The following ZNF469 variants were observed in gnomAD, a reference collection of about 807,000 sequenced individuals.
ZNF469 encodes the protein zinc finger protein 469.
Under a neutral mutation model 1.0 loss-of-function variants are expected in ZNF469, and 1 was observed. The observed-to-expected ratio is 1.00, with a 90% CI of 0.35 to 4.73. The LOEUF is 4.73. ZNF469 is among the 30% of genes most tolerant of loss of function. The pLI is 0.16. For synonymous variants in ZNF469, 2,703 were observed against 2,363.4 expected (o/e 1.14, Z -4.17); for missense variants, 6,100 against 5,356.3 (o/e 1.14, Z -4.33).
the ZNF469 span, among the ~76,000 whole-genome samples, chr16:88,116,532 A>G: frequency 5.9e-3 from 898 of 152,352 alleles, 6 homozygotes; most frequent in Non-Finnish European, 9.3e-3. Context: ...ATGAAGACGT[A>G]TCTTCATGCC....
the ZNF469 span, among the ~76,000 whole-genome samples, chr16:88,144,226 G>A: frequency 6.6e-6 from 1 of 152,214 alleles, no homozygotes; most frequent in Non-Finnish European, 1.5e-5. Context: ...AGGGCGGGGG[G>A]CGTCTCTCTG....
At chr16:88,359,903 AT>A in the ZNF469 span, among the ~76,000 whole-genome samples, 6 of 152,336 alleles carry the variant, frequency 3.9e-5, no homozygotes, top group African/African-American at 9.6e-5. Context: ...AGTTCATCTT[AT>A]TTTTTGATGC....
At chr16:88,122,540 G>T in the ZNF469 span, among the ~76,000 whole-genome samples, 2 of 151,956 alleles carry the variant, frequency 1.3e-5, no homozygotes, top group African/African-American at 2.4e-5. Context: ...CTATGGCCAC[G>T]GCAGCCACTC....
In ZNF469 at chr16:88,433,847, G is replaced by A. The variant is rs748594806; in HGVS notation, c.6377G>A (p.Ser2126Asn). 75 of 1,549,584 alleles carry A rather than the reference G, an allele frequency of 4.8e-5. No homozygotes were observed. In the South Asian group the frequency reaches 8.1e-4, roughly 17 times the overall value. Residue 2126 changes from serine to asparagine, a missense_variant, in exon 3 of 3, where the codon AGC (serine) becomes AAC (asparagine). Ser to Asn is a conservative substitution (Grantham distance 46). Transcript: ENST00000565624. ...ACTTCAGCCGCCCACATGCCCTGCA[G>A]CCTTGGGCCCCTGCCCCGTGAAGAC... Reference protein sequence around the residue: ...SPTSAAHMPCSLGPLPREDPL... With the variant: ...SPTSAAHMPCNLGPLPREDPL...
the ZNF469 span, among the ~76,000 whole-genome samples, chr16:88,287,638 TA>T: frequency 2.0e-5 from 3 of 152,372 alleles, no homozygotes; most frequent in East Asian, 5.8e-4. Flanking sequence ...AACAGTTCTA[TA>T]AGGCTTGTTA....
the ZNF469 span, among the ~76,000 whole-genome samples, chr16:88,129,924 C>T: frequency 1.3e-5 from 2 of 152,366 alleles, no homozygotes; most frequent in South Asian, 4.2e-4. Context: ...CCGAGGGAAT[C>T]CTGGCATGCT....
the ZNF469 span, among the ~76,000 whole-genome samples, chr16:88,339,658 T>G: frequency 6.6e-4 from 7 of 10,566 alleles, no homozygotes; most frequent in Admixed American, 1.4e-3. Context: ...GGCAGGGGGA[T>G]GGGGGACATG....
the ZNF469 span, among the ~76,000 whole-genome samples, chr16:88,159,547 C>T: frequency 5.9e-5 from 9 of 152,124 alleles, no homozygotes; most frequent in East Asian, 5.8e-4. Flanking sequence ...GCGCAGCGTA[C>T]GGAGAGAGGG....
intron 1 of ZNF469, among the ~76,000 whole-genome samples, chr16:88,419,948 C>T (rs1277400577): frequency 6.6e-6 from 1 of 152,264 alleles, no homozygotes; most frequent in East Asian, 1.9e-4. Context: ...GGAGGCCGGC[C>T]TGAGGCCACA....
chr16:88,422,312 A>G (rs56104501), intron 1 of ZNF469, among the ~76,000 whole-genome samples: 20 of 17,446 alleles, frequency 1.1e-3, no homozygotes, highest in East Asian at 6.9e-3. Flanking sequence ...GTGGGTGGAT[A>G]GATGGGTGAG....
the ZNF469 span, among the ~76,000 whole-genome samples, chr16:88,140,119 A>T: frequency 5.3e-5 from 8 of 152,222 alleles, no homozygotes; most frequent in African/African-American, 1.9e-4. Flanking sequence ...TTTAATACAA[A>T]AGAGGGAGTC....
chr16:88,394,343 G>A (rs1375546112), intron 1 of ZNF469, among the ~76,000 whole-genome samples: 1 of 151,828 alleles, frequency 6.6e-6, no homozygotes, highest in Non-Finnish European at 1.5e-5. Context: ...CCACACTCAA[G>A]TTTCAGGTGC....
the ZNF469 span, among the ~76,000 whole-genome samples, chr16:88,360,803 C>T: frequency 7.8e-4 from 118 of 151,956 alleles, no homozygotes; most frequent in African/African-American, 2.5e-3. Flanking sequence ...AGACAGTGCC[C>T]GCGTGCTCTC....
chr16:88,392,077 GCCAC>G (rs1904506377), intron 1 of ZNF469, among the ~76,000 whole-genome samples: 1 of 152,208 alleles, frequency 6.6e-6, no homozygotes, highest in Non-Finnish European at 1.5e-5. Context: ...TGATTTTGGA[GCCAC>G]ATTTAAAAAT....
chr16:88,438,717 G>T lies in ZNF469; in HGVS notation c.11247G>T (p.Gln3749His). ...RPGTKTGGGS[Q>H]PQPASGQLQS... ...GCACCAAGACAGGAGGTGGCAGCCA[G>T]CCCCAGCCAGCCAGCGGGCAGCTCC... Residue 3749 changes from glutamine (Q) to histidine (H), a missense_variant, in exon 3 of 3, where the codon CAG (glutamine) becomes CAT (histidine). Physicochemically the swap from Gln to His is conservative, Grantham distance 24. Coordinates refer to ENST00000565624, the MANE Select transcript of ZNF469 (RefSeq NM_001367624.2). 6.5e-7 allele frequency: 1 copy of T among 1,549,980 alleles called. No individual in the cohort carries two copies. The highest frequency in any genetic ancestry group is 1.2e-5 in the South Asian group (1 of 84,038).
the ZNF469 span, among the ~76,000 whole-genome samples, chr16:88,198,048 A>T: frequency 1.3e-5 from 2 of 152,168 alleles, no homozygotes; most frequent in Non-Finnish European, 2.9e-5. Flanking sequence ...GGTGTATTTT[A>T]AAACCACCAC....
the ZNF469 span, among the ~76,000 whole-genome samples, chr16:88,234,177 C>T: frequency 1.3e-5 from 2 of 152,224 alleles, no homozygotes; most frequent in Admixed American, 6.5e-5. Flanking sequence ...GAACGTAGCA[C>T]CAACTTCTTT....
the ZNF469 span, among the ~76,000 whole-genome samples, chr16:88,315,973 C>T: frequency 4.6e-5 from 7 of 152,218 alleles, no homozygotes; most frequent in African/African-American, 7.2e-5. Flanking sequence ...CCACCCCCGG[C>T]GCCTGCACCA....
chr16:88,346,433 G>A, the ZNF469 span, among the ~76,000 whole-genome samples: 1 of 152,228 alleles, frequency 6.6e-6, no homozygotes, highest in Non-Finnish European at 1.5e-5. Context: ...GCCCTGGCCT[G>A]GACCTGCACA....
Sources: gnomAD v4.1 joint callset for allele counts (sites outside exome capture counted in the v4.1 genomes callset) on GRCh38, gnomAD v4.1.1 for gene constraint, MANE v1.5 for transcripts, NCBI Gene and HGNC (gene_info 2026-07-23, HGNC 2026-07-21) for gene names.